Variants in DYNC2H1 observed in about 807,000 individuals in gnomAD.
DYNC2H1 encodes the protein cytoplasmic dynein 2 heavy chain 1.
Under a neutral mutation model 570.0 loss-of-function variants are expected in DYNC2H1, and 410 were observed. The ratio of observed to expected loss-of-function variants is 0.72; its 90% confidence interval spans 0.66 to 0.78. DYNC2H1 has a LOEUF of 0.78. Among genes scored for constraint, DYNC2H1 ranks in the 30% least tolerant of loss-of-function variants. The pLI, the probability that DYNC2H1 is intolerant of heterozygous loss-of-function variation, is 0.00. For synonymous variants in DYNC2H1, 1,688 were observed against 1,677.6 expected, an observed-to-expected ratio of 1.01 and a Z score of -0.15; for missense variants, 4,865 against 5,046.4, an observed-to-expected ratio of 0.96 and a Z score of 1.09.
In DYNC2H1 at chr11:103,203,458, G is replaced by A. The variant is rs866981424; in HGVS notation, c.8198-205G>A. On this transcript the variant is annotated intron_variant, in intron 50 of 88. Coordinates refer to ENST00000375735, the MANE Select transcript of DYNC2H1 (RefSeq NM_001377.3). This position sits in a 1 kb window ranked among gnomAD's most constrained non-coding sequence, Gnocchi z 4.7. The stretch of plus-strand genomic sequence containing the variant: ...ACCAGTAAAGGTAGACAGATGGCTA[G>A]TGTATGACTATTTTGAGTGGTTTGC... Among the ~76,000 whole-genome samples, 48 of 152,276 alleles carry A rather than the reference G, an allele frequency of 3.2e-4. No individual in the cohort carries two copies. The Middle Eastern group carries it at 0.01, about 32-fold the overall frequency.
Position 103,395,185 on chromosome 11 carries a change from G to C in DYNC2H1, c.12157-4478G>C, listed in dbSNP as rs1312856419. Among the ~76,000 whole-genome samples, 1 of 152,116 alleles carries C rather than the reference G, an allele frequency of 6.6e-6. No individual in the cohort carries two copies. The highest frequency in any genetic ancestry group is 2.4e-5 in the African/African-American group (1 of 41,436). ...TCAGTTATGACATTTTAGATTGCAA[G>C]TAATTGGAAAACTCAGCTCAAACTG... On this transcript the variant is annotated intron_variant, in intron 83 of 88. Transcript: ENST00000375735. The surrounding 1 kb of genome is among the most constrained non-coding windows in gnomAD (Gnocchi z 4.3).
Position 103,235,774 on chromosome 11 carries a change from A to C in DYNC2H1, c.9670A>C (p.Thr3224Pro). The change falls in exon 62 of 89, where the codon ACC becomes CCC. Residue 3224 changes from threonine to proline, a missense_variant. Thr to Pro is a conservative substitution (Grantham distance 38). This residue lies in a region of DYNC2H1 where 2,401 missense variants were observed against 2,454.6 expected (regional missense o/e 0.98). Transcript: ENST00000375735. ...LSAAPESLRKTCLEEWTKSAG... is the reference protein window; with the variant it reads ...LSAAPESLRKPCLEEWTKSAG... ...TGCTGCTCCTGAATCTCTGAGAAAA[A>C]CCTGTTTGGAAGAATGGACCAAGTC... The C allele has an allele frequency of 5.6e-6, 9 of 1,611,586 alleles. No individual in the cohort carries two copies. The highest frequency in any genetic ancestry group is 7.6e-6 in the Non-Finnish European group (9 of 1,178,424).
rs2135225600 is a variant in DYNC2H1 at position 103,243,690 on chromosome 11, T to C, written c.9820-3T>C. 6.3e-7 allele frequency: 1 copy of C among 1,589,886 alleles called. No individual in the cohort carries two copies. Among genetic ancestry groups the C allele is most frequent in the Non-Finnish European group, 8.6e-7 (1 of 1,165,740 alleles). On this transcript the variant is annotated splice_region_variant and splice_polypyrimidine_tract_variant and intron_variant, in intron 63 of 88. Coordinates refer to ENST00000375735, the MANE Select transcript of DYNC2H1 (RefSeq NM_001377.3). The surrounding 1 kb of genome is among the most constrained non-coding windows in gnomAD (Gnocchi z 4.8). The stretch of plus-strand genomic sequence containing the variant: ...ACATTACTTTTCCTTTTTTTTATAC[T>C]AGAGTCGAGTGTGCCCATTTCTTAT...
chr11:103,451,274 C>T (rs556578806), intron 85 of DYNC2H1, among the ~76,000 whole-genome samples: 5 of 142,920 alleles, frequency 3.5e-5, no homozygotes, highest in South Asian at 4.7e-4. Context: ...ATAATGTCTT[C>T]ATTATTCCCT....
In DYNC2H1 at chr11:103,155,425, C is replaced by T. The variant is rs1565349693; in HGVS notation, c.3668C>T (p.Thr1223Ile). The T allele has an allele frequency of 6.2e-7, 1 of 1,612,194 alleles. No individual in the cohort carries two copies. The highest frequency in any genetic ancestry group is 8.5e-7 in the Non-Finnish European group (1 of 1,179,092). The change falls in exon 25 of 89, where the codon ACT (threonine) becomes ATT (isoleucine). Residue 1223 changes from threonine (T) to isoleucine (I), a missense_variant. Coordinates refer to ENST00000375735, the MANE Select transcript of DYNC2H1 (RefSeq NM_001377.3). The stretch of plus-strand genomic sequence containing the variant: ...CGTCTCCTTGGACTTCCTAGGGGGA[C>T]TAGTCTAGAGAAACTACTGTTTGGT... Reference protein sequence around the residue: ...LFRLLGLPRGTSLEKLLFGDL... With the variant: ...LFRLLGLPRGISLEKLLFGDL...
intron 38 of DYNC2H1, among the ~76,000 whole-genome samples, chr11:103,178,312 C>T (rs1234401326): frequency 6.6e-6 from 1 of 151,996 alleles, no homozygotes; most frequent in African/African-American, 2.4e-5. Flanking sequence ...AGAGGAGACT[C>T]CCTACTTTTT....
intron 75 of DYNC2H1, among the ~76,000 whole-genome samples, chr11:103,294,753 T>A (rs1396559472): frequency 6.6e-6 from 1 of 152,090 alleles, no homozygotes; most frequent in Non-Finnish European, 1.5e-5. Flanking sequence ...GTCACTGATG[T>A]TAATTCAAGG....
chr11:103,458,554 A>C (rs1211663760), intron 87 of DYNC2H1, among the ~76,000 whole-genome samples: 1 of 152,174 alleles, frequency 6.6e-6, no homozygotes, highest in African/African-American at 2.4e-5. Flanking sequence ...GTATATAAAA[A>C]ATCTTGTCCT....
At chr11:103,391,349 A>C (rs1220000211) in intron 83 of DYNC2H1, among the ~76,000 whole-genome samples, 2 of 152,274 alleles carry the variant, frequency 1.3e-5, no homozygotes, top group East Asian at 1.9e-4. Context: ...CAGCTCCATG[A>C]GGTCATTTAA....
chr11:103,430,249 T>C (rs572053699), intron 84 of DYNC2H1, among the ~76,000 whole-genome samples: 1 of 152,270 alleles, frequency 6.6e-6, no homozygotes, highest in East Asian at 1.9e-4. Flanking sequence ...AGAGTGTTTT[T>C]TTGTGCAAGT....
chr11:103,126,035 A>C (rs1385327572), intron 12 of DYNC2H1, among the ~76,000 whole-genome samples: 3 of 151,988 alleles, frequency 2.0e-5, no homozygotes, highest in Non-Finnish European at 2.9e-5. Context: ...TACTGCTCAT[A>C]TTGTGTCTTG....
At chr11:103,231,389 G>A in intron 60 of DYNC2H1, 43 bp downstream of exon 60, 1 of 1,265,440 alleles carries the variant, frequency 7.9e-7, no homozygotes, top group South Asian at 1.5e-5. Context: ...TGCTGAGAGT[G>A]TTTACATTTG....
intron 83 of DYNC2H1, among the ~76,000 whole-genome samples, chr11:103,384,351 A>G (rs769528387): frequency 2.0e-5 from 3 of 152,018 alleles, no homozygotes; most frequent in Non-Finnish European, 4.4e-5. Context: ...TTTGCTAGAT[A>G]TATCCTAATT....
chr11:103,116,715 G>T lies in DYNC2H1; in HGVS notation c.766+1G>T. On this transcript the variant is annotated splice_donor_variant, in intron 5 of 88. Coordinates refer to ENST00000375735, the MANE Select transcript of DYNC2H1 (RefSeq NM_001377.3). LOFTEE classifies it high-confidence loss of function. Reference sequence around the variant, plus strand: ...ATGTTGCATCTCTTAGACATCATAGGTACTAGTAAAAAAATGAACTTTTGG... The same window carrying T: ...ATGTTGCATCTCTTAGACATCATAGTTACTAGTAAAAAAATGAACTTTTGG... 1 of 1,576,402 alleles carries T rather than the reference G, an allele frequency of 6.3e-7. No homozygotes were observed. Among genetic ancestry groups the T allele is most frequent in the Non-Finnish European group, 8.6e-7 (1 of 1,164,148 alleles).
intron 60 of DYNC2H1, among the ~76,000 whole-genome samples, chr11:103,232,369 T>C (rs1349294634): frequency 6.6e-6 from 1 of 152,006 alleles, no homozygotes; most frequent in Non-Finnish European, 1.5e-5. Flanking sequence ...TACTAAGCCA[T>C]GTTAGATACT....
chr11:103,147,986 C>A, intron 19 of DYNC2H1, 99 bp downstream of exon 19: 3 of 800,136 alleles, frequency 3.7e-6, no homozygotes, highest in Non-Finnish European at 5.8e-6. Flanking sequence ...CATTAAAAAC[C>A]AAAACTGAAC....
chr11:103,226,339 T>C (rs1253516768), intron 59 of DYNC2H1, among the ~76,000 whole-genome samples: 1 of 152,202 alleles, frequency 6.6e-6, no homozygotes, highest in African/African-American at 2.4e-5. Flanking sequence ...CAGTATAATG[T>C]TGGCTGTGGG....
chr11:103,360,790 G>A (rs1056690344), intron 83 of DYNC2H1, among the ~76,000 whole-genome samples: 37 of 152,148 alleles, frequency 2.4e-4, no homozygotes, highest in Admixed American at 5.2e-4. Context: ...GATATTAGAA[G>A]ATGAAGCAAG....
At chr11:103,426,900 T>A (rs996159641) in intron 84 of DYNC2H1, among the ~76,000 whole-genome samples, 5 of 152,232 alleles carry the variant, frequency 3.3e-5, no homozygotes, top group African/African-American at 1.2e-4. Context: ...AATATTTTTG[T>A]GCCATTTTGC....
Sources: gnomAD v4.1 joint callset for allele counts (sites outside exome capture counted in the v4.1 genomes callset) on GRCh38, gnomAD v4.1.1 for gene constraint, gnomAD v4.1.1 regional missense constraint, Gnocchi (gnomAD v3.1) non-coding constraint, MANE v1.5 for transcripts, NCBI Gene and HGNC (gene_info 2026-07-23, HGNC 2026-07-21) for gene names.